TRIP4: variants seen among roughly 807,000 people sequenced by gnomAD.
The protein encoded by TRIP4 is activating signal cointegrator 1.
TRIP4 carries 54 observed loss-of-function variants against 81.8 expected under a neutral mutation model. The ratio of observed to expected loss-of-function variants is 0.66; its 90% CI spans 0.53 to 0.83. The LOEUF is 0.83. Ranked by LOEUF, TRIP4 falls within the 40% of genes least tolerant of loss-of-function variation. The probability of loss-of-function intolerance (pLI) is 0.00; values close to 1 mark genes in which losing one functional copy is unlikely to be tolerated. For missense variants in TRIP4, 662 were observed against 683.6 expected (o/e 0.97, Z 0.35); for synonymous variants, 270 against 242.8 (o/e 1.11, Z -1.04).
chr15:64,399,514 GT>G (rs1891437170), intron 4 of TRIP4, among the ~76,000 whole-genome samples: 1 of 151,784 alleles, frequency 6.6e-6, no homozygotes, highest in East Asian at 2.0e-4. Flanking sequence ...TTGTTTGTTT[GT>G]TTGTTTTTTG....
intron 7 of TRIP4, among the ~76,000 whole-genome samples, chr15:64,410,903 G>A (rs1314013305): frequency 6.6e-6 from 1 of 152,102 alleles, no homozygotes; most frequent in Admixed American, 6.6e-5. Context: ...TTTACAAGTG[G>A]GGAAGTACAA....
chr15:64,421,900 C>T (rs568326562), intron 9 of TRIP4, among the ~76,000 whole-genome samples: 11 of 152,020 alleles, frequency 7.2e-5, no homozygotes, highest in African/African-American at 2.4e-4. Context: ...CAAAAATTAG[C>T]GGAGCATGGT....
intron 5 of TRIP4, among the ~76,000 whole-genome samples, chr15:64,402,891 G>A (rs371049752): frequency 3.6e-4 from 54 of 149,186 alleles, no homozygotes; most frequent in African/African-American, 1.2e-3. Flanking sequence ...ATGGAGTCTC[G>A]CTCTGTCGCC....
At chr15:64,442,990 C>CAA (rs778464158) in intron 11 of TRIP4, among the ~76,000 whole-genome samples, 9 of 90,124 alleles carry the variant, frequency 1.0e-4, no homozygotes, top group Non-Finnish European at 1.4e-4. Flanking sequence ...GACTCCATCT[C>CAA]AAAAAAAAAA....
chr15:64,405,313 C>G (rs985195871), intron 5 of TRIP4, among the ~76,000 whole-genome samples: 2 of 152,032 alleles, frequency 1.3e-5, no homozygotes, highest in Non-Finnish European at 2.9e-5. Context: ...TGCCACCATG[C>G]CTGGCTAATT....
At chr15:64,395,917 T>C (rs1005916917) in intron 3 of TRIP4, among the ~76,000 whole-genome samples, 2 of 151,614 alleles carry the variant, frequency 1.3e-5, no homozygotes, top group Admixed American at 1.3e-4. Context: ...ATTTTCTTTT[T>C]TTTTTTTTTG....
At chr15:64,406,609 C>A in intron 6 of TRIP4, 150 bp downstream of exon 6, 1 of 935,802 alleles carries the variant, frequency 1.1e-6, no homozygotes, top group Non-Finnish European at 1.5e-6. Context: ...AGGCCTACAT[C>A]TTGTTTTTTA....
intron 6 of TRIP4, among the ~76,000 whole-genome samples, chr15:64,409,409 A>T (rs1387942592): frequency 3.3e-5 from 5 of 152,138 alleles, no homozygotes; most frequent in African/African-American, 1.2e-4. Flanking sequence ...TAGAAGGAAA[A>T]TGTATTATGG....
intron 9 of TRIP4, among the ~76,000 whole-genome samples, chr15:64,421,649 T>C (rs1892016010): frequency 6.6e-6 from 1 of 152,174 alleles, no homozygotes; most frequent in Admixed American, 6.6e-5. Context: ...ACTGTACCTT[T>C]TCTATGTCTA....
intron 5 of TRIP4, among the ~76,000 whole-genome samples, chr15:64,404,109 G>C (rs948053539): frequency 2.6e-5 from 4 of 151,846 alleles, no homozygotes; most frequent in African/African-American, 4.8e-5. Flanking sequence ...GGAATTGCTT[G>C]AACCCCGGAG....
At position 64,402,233 on chromosome 15, in the gene TRIP4, T is replaced by C. The variant is rs535961998; in HGVS notation, c.697+1412T>C. Among the ~76,000 whole-genome samples the C allele has an allele frequency of 3.9e-4, 60 of 152,166 alleles. 2 individuals carry two copies. In the South Asian group the frequency reaches 0.012, roughly 31 times the overall value. Reference sequence around the variant, plus strand: ...CAAAAATGGTTAAGGACATTTTTTTTTTTTTTGAGACGGAGTTTCACTCTT... The same window carrying C: ...CAAAAATGGTTAAGGACATTTTTTTCTTTTTTGAGACGGAGTTTCACTCTT... On this transcript the variant is annotated intron_variant, in intron 5 of 12. Transcript: ENST00000261884.
intron 5 of TRIP4, among the ~76,000 whole-genome samples, chr15:64,404,401 ACT>A (rs766811056): frequency 1.3e-5 from 2 of 152,022 alleles, no homozygotes; most frequent in African/African-American, 2.4e-5. Flanking sequence ...GCTCACTGCA[ACT>A]TCTGCCTCTC....
At chr15:64,453,731 A>AAGAG (rs148078428) in intron 12 of TRIP4, among the ~76,000 whole-genome samples, 3 of 152,162 alleles carry the variant, frequency 2.0e-5, no homozygotes, top group Non-Finnish European at 4.4e-5. Flanking sequence ...CCTAAAAGAA[A>AAGAG]AGAGAGAGAG....
intron 1 of TRIP4, among the ~76,000 whole-genome samples, chr15:64,390,355 G>T (rs1202960152): frequency 6.6e-6 from 1 of 150,816 alleles, no homozygotes; most frequent in Non-Finnish European, 1.5e-5. Context: ...TCAGTTACTC[G>T]GAAGGCTGAG....
intron 6 of TRIP4, among the ~76,000 whole-genome samples, chr15:64,408,352 G>A (rs550527528): frequency 6.9e-6 from 1 of 144,490 alleles, no homozygotes; most frequent in Non-Finnish European, 1.5e-5. Context: ...TCCGCCCCCT[G>A]GACTCACGCC....
intron 6 of TRIP4, among the ~76,000 whole-genome samples, chr15:64,408,199 A>G (rs1188972164): frequency 6.9e-6 from 1 of 145,158 alleles, no homozygotes; most frequent in East Asian, 2.1e-4. Context: ...CGGCCTCCCA[A>G]AGTGCTGGAA....
chr15:64,425,714 G>C, intron 11 of TRIP4, 83 bp downstream of exon 11: 2 of 1,083,044 alleles, frequency 1.8e-6, no homozygotes, highest in Non-Finnish European at 2.7e-6. Context: ...TTAAGAGGCT[G>C]GGCCTCTTAA....
chr15:64,454,882 A>G (rs183800449), intron 12 of TRIP4, 115 bp from the exon 13 acceptor site: 3 of 894,044 alleles, frequency 3.4e-6, no homozygotes. Flanking sequence ...CTGAGTCCTG[A>G]AGTAAGATAA....
intron 6 of TRIP4, among the ~76,000 whole-genome samples, chr15:64,406,928 C>T (rs922491455): frequency 2.6e-5 from 4 of 152,108 alleles, no homozygotes; most frequent in East Asian, 3.8e-4. Context: ...ATTCAATAAT[C>T]GGTATATTAA....
Sources: gnomAD v4.1 joint callset for allele counts (sites outside exome capture counted in the v4.1 genomes callset) on GRCh38, gnomAD v4.1.1 for gene constraint, MANE v1.5 for transcripts, NCBI Gene and HGNC (gene_info 2026-07-23, HGNC 2026-07-21) for gene names.